MTUS2: variants seen among roughly 807,000 people sequenced by gnomAD.
MTUS2 encodes the protein microtubule associated scaffold protein 2, also known as microtubule-associated tumor suppressor candidate 2.
MTUS2 carries 40 observed loss-of-function variants against 114.1 expected under a neutral mutation model. The ratio of observed to expected loss-of-function variants is 0.35; its 90% CI spans 0.27 to 0.46. The LOEUF is 0.46. MTUS2 is among the 20% of genes least tolerant of loss of function. The pLI is 1.00. For missense variants in MTUS2, 1,679 were observed against 1,705.4 expected (o/e 0.98, Z 0.27); for synonymous variants, 688 against 672.0 (o/e 1.02, Z -0.37).
chr13:29,395,403 G>A (rs1203932007), intron 8 of MTUS2, among the ~76,000 whole-genome samples: 1 of 152,218 alleles, frequency 6.6e-6, no homozygotes, highest in African/African-American at 2.4e-5. Flanking sequence ...AGTGTTGGTG[G>A]ATTAGATTGT....
At chr13:29,468,645 G>T (rs1880058733) in intron 9 of MTUS2, among the ~76,000 whole-genome samples, 1 of 151,786 alleles carries the variant, frequency 6.6e-6, no homozygotes, top group Admixed American at 6.6e-5. Flanking sequence ...ACTGAGTCCT[G>T]GCTTGTCTCT....
At chr13:29,005,511 C>A (rs1885564683) in intron 2 of MTUS2, among the ~76,000 whole-genome samples, 1 of 152,110 alleles carries the variant, frequency 6.6e-6, no homozygotes, top group Non-Finnish European at 1.5e-5. Flanking sequence ...AAGCCAAGTC[C>A]TGGGAACAAA....
At chr13:28,864,195 A>T (rs905487515) in intron 2 of MTUS2, among the ~76,000 whole-genome samples, 1 of 152,154 alleles carries the variant, frequency 6.6e-6, no homozygotes, top group Non-Finnish European at 1.5e-5. Flanking sequence ...CCTCCCCTAC[A>T]CATTAGCAAA....
intron 2 of MTUS2, among the ~76,000 whole-genome samples, chr13:28,884,816 A>G (rs376960041): frequency 1.4e-4 from 21 of 152,236 alleles, no homozygotes; most frequent in African/African-American, 4.8e-4. Flanking sequence ...TCATTTCAAA[A>G]TAACACAAAT....
intron 2 of MTUS2, among the ~76,000 whole-genome samples, chr13:29,015,429 TA>T (rs1886025271): frequency 6.6e-6 from 1 of 152,152 alleles, no homozygotes; most frequent in Non-Finnish European, 1.5e-5. Context: ...GGGTAGTAGG[TA>T]TTTATTCAAC....
At chr13:28,878,499 T>C (rs1021296208) in intron 2 of MTUS2, among the ~76,000 whole-genome samples, 1 of 152,058 alleles carries the variant, frequency 6.6e-6, no homozygotes, top group Non-Finnish European at 1.5e-5. Context: ...CCACTGTACT[T>C]ATAGGCCCTA....
At chr13:28,845,550 A>G (rs956537594) in intron 2 of MTUS2, among the ~76,000 whole-genome samples, 1 of 152,182 alleles carries the variant, frequency 6.6e-6, no homozygotes, top group African/African-American at 2.4e-5. Context: ...GAGACACTTC[A>G]TTTAAGAAAT....
chr13:29,185,155 A>G (rs779532254), intron 5 of MTUS2, among the ~76,000 whole-genome samples: 2 of 152,146 alleles, frequency 1.3e-5, no homozygotes, highest in Non-Finnish European at 2.9e-5. Context: ...GAAATTTACT[A>G]GAGGAGCTCA....
At chr13:29,003,358 A>G (rs184679622) in intron 2 of MTUS2, among the ~76,000 whole-genome samples, 1 of 152,318 alleles carries the variant, frequency 6.6e-6, no homozygotes, top group Admixed American at 6.5e-5. Flanking sequence ...TCTGGATTCA[A>G]GTCCAGGGAG....
At chr13:29,454,823 G>A (rs1050863817) in intron 9 of MTUS2, among the ~76,000 whole-genome samples, 1 of 152,226 alleles carries the variant, frequency 6.6e-6, no homozygotes, top group Non-Finnish European at 1.5e-5. Context: ...CCCCATGGGA[G>A]GAGAGGGAAT....
intron 2 of MTUS2, among the ~76,000 whole-genome samples, chr13:28,862,937 C>T (rs1877082256): frequency 6.6e-6 from 1 of 152,060 alleles, no homozygotes; most frequent in South Asian, 2.1e-4. Context: ...CTCTATTTCC[C>T]AAATGTGCAA....
intron 8 of MTUS2, among the ~76,000 whole-genome samples, chr13:29,436,321 T>A (rs2138664652): frequency 6.6e-6 from 1 of 152,240 alleles, no homozygotes; most frequent in Non-Finnish European, 1.5e-5. Context: ...CCTGGTGGGT[T>A]GTGCAGGGGC....
intron 8 of MTUS2, among the ~76,000 whole-genome samples, chr13:29,420,083 A>G (rs1025722774): frequency 1.8e-4 from 27 of 152,152 alleles, no homozygotes; most frequent in African/African-American, 6.5e-4. Context: ...AACCTTATAT[A>G]GTAGATAGTT....
At chr13:29,443,949 C>T (rs1009517770) in intron 9 of MTUS2, among the ~76,000 whole-genome samples, 9 of 152,162 alleles carry the variant, frequency 5.9e-5, no homozygotes, top group African/African-American at 2.2e-4. Context: ...TGCAGAAAGT[C>T]AGAATAGTTA....
At chr13:29,242,211 A>C (rs1032891348) in intron 5 of MTUS2, among the ~76,000 whole-genome samples, 3 of 152,208 alleles carry the variant, frequency 2.0e-5, no homozygotes, top group Admixed American at 1.3e-4. Context: ...TCATCATCTC[A>C]GTAAAAGCCC....
chr13:28,933,118 AACACACAC>A (rs59162969), intron 2 of MTUS2, among the ~76,000 whole-genome samples: 36,550 of 145,108 alleles, frequency 0.25, 4,618 homozygotes, highest in Non-Finnish European at 0.29. Flanking sequence ...GGAGAATCAG[AACACACAC>A]ACACACACAC....
chr13:29,271,840 G>A (rs1897892208), intron 5 of MTUS2, among the ~76,000 whole-genome samples: 1 of 152,148 alleles, frequency 6.6e-6, no homozygotes, highest in East Asian at 1.9e-4. Flanking sequence ...AAACATCAAG[G>A]GTGACCAATC....
intron 6 of MTUS2, among the ~76,000 whole-genome samples, chr13:29,304,383 T>C (rs1899344464): frequency 1.6e-5 from 2 of 126,776 alleles, no homozygotes; most frequent in Admixed American, 9.0e-5. Flanking sequence ...GTATGCTGTT[T>C]TCAAGAGACC....
chr13:29,396,335 A>C (rs1172391270), intron 8 of MTUS2, among the ~76,000 whole-genome samples: 1 of 152,194 alleles, frequency 6.6e-6, no homozygotes, highest in Non-Finnish European at 1.5e-5. Context: ...ATGTAGAGGT[A>C]AGTGCTGTGT....
Sources: allele counts gnomAD v4.1 joint callset (sites outside exome capture counted in the v4.1 genomes callset), GRCh38; gene constraint gnomAD v4.1.1; transcripts MANE v1.5; gene names NCBI Gene and HGNC (gene_info 2026-07-23, HGNC 2026-07-21).